Variants in GPM6A observed in about 807,000 individuals in gnomAD.
The protein encoded by GPM6A is glycoprotein M6A, also known as neuronal membrane glycoprotein M6-a.
A neutral mutation model predicts 32.1 loss-of-function variants in GPM6A; 7 were observed. That is an observed-to-expected ratio of 0.22 (90% CI 0.12 to 0.41). The LOEUF (loss-of-function observed/expected upper bound fraction) is 0.41, where lower values mean the gene tolerates loss of function less well. GPM6A is among the 10% of genes least tolerant of loss of function. The pLI, the probability that GPM6A is intolerant of heterozygous loss-of-function variation, is 1.00. For missense variants in GPM6A, 235 were observed against 347.2 expected (o/e 0.68, Z 2.57); for synonymous variants, 130 against 123.4 (o/e 1.05, Z -0.35).
chr4:175,841,498 G>A (rs926849572), intron 1 of GPM6A, among the ~76,000 whole-genome samples: 1 of 152,032 alleles, frequency 6.6e-6, no homozygotes, highest in African/African-American at 2.4e-5. Context: ...AAGGATGCTT[G>A]TCTAAAACCA....
chr4:175,956,173 C>T (rs1739979590), intron 1 of GPM6A, among the ~76,000 whole-genome samples: 1 of 152,110 alleles, frequency 6.6e-6, no homozygotes, highest in Non-Finnish European at 1.5e-5. Flanking sequence ...TTTAAAAATT[C>T]CTGTTCTAGA....
chr4:175,639,391 G>GA (rs1367416127), intron 6 of GPM6A, among the ~76,000 whole-genome samples: 4 of 152,120 alleles, frequency 2.6e-5, no homozygotes, highest in Non-Finnish European at 4.4e-5. Context: ...TTTACATATT[G>GA]ACTCGGCTGT....
At chr4:175,877,650 C>T (rs542302091) in intron 1 of GPM6A, among the ~76,000 whole-genome samples, 1 of 152,302 alleles carries the variant, frequency 6.6e-6, no homozygotes, top group East Asian at 1.9e-4. Context: ...GTTATCTCCA[C>T]CTGGTCCCAC....
chr4:175,711,457 T>TATATATACACAC (rs1303046650), intron 1 of GPM6A, among the ~76,000 whole-genome samples: 2 of 28,010 alleles, frequency 7.1e-5, no homozygotes, highest in African/African-American at 1.7e-4. Flanking sequence ...TATATATATA[T>TATATATACACAC]ACACACACAT....
rs540425822 is a variant in GPM6A, at chr4:175,968,624, A to G, written c.-23+33685T>C. 2.6e-5 allele frequency among the ~76,000 whole-genome samples: 4 copies of G among 152,310 alleles called. No individual in the cohort carries two copies. In the East Asian group the frequency reaches 7.7e-4, roughly 29 times the overall value. ...AATTAAAAAACGGACAATAAATCTG[A>G]CCTAACATCTCACCAAAGATGACAT... On this transcript the variant is annotated intron_variant, in intron 1 of 7. Transcript: ENST00000280187.
At chr4:175,838,112 G>GACACACAC (rs10548625) in intron 1 of GPM6A, among the ~76,000 whole-genome samples, 3,942 of 141,936 alleles carry the variant, frequency 0.028, 185 homozygotes, top group African/African-American at 0.096. Flanking sequence ...CACACACACA[G>GACACACAC]ACACACACAC....
intron 1 of GPM6A, among the ~76,000 whole-genome samples, chr4:175,790,915 C>A (rs1044066913): frequency 6.6e-6 from 1 of 151,964 alleles, no homozygotes; most frequent in African/African-American, 2.4e-5. Context: ...ATATAACATA[C>A]AAAATGTTTT....
At chr4:175,807,663 A>C (rs988048424) in intron 1 of GPM6A, 2 of 152,238 alleles carry the variant, frequency 1.3e-5, no homozygotes, top group African/African-American at 2.4e-5. Flanking sequence ...CTGCCCTTGA[A>C]AAAGTTTTCA....
At chr4:175,688,697 A>T (rs1744129073) in intron 2 of GPM6A, among the ~76,000 whole-genome samples, 1 of 152,250 alleles carries the variant, frequency 6.6e-6, no homozygotes, top group African/African-American at 2.4e-5. Context: ...GGCAATGGGT[A>T]TCCTAATTAC....
At chr4:175,930,856 ACT>A (rs1739016851) in intron 1 of GPM6A, among the ~76,000 whole-genome samples, 1 of 152,132 alleles carries the variant, frequency 6.6e-6, no homozygotes, top group Non-Finnish European at 1.5e-5. Flanking sequence ...TTTATAAATA[ACT>A]ATGTGGCACT....
chr4:175,684,583 C>A (rs150173022), intron 2 of GPM6A, among the ~76,000 whole-genome samples: 1 of 151,994 alleles, frequency 6.6e-6, no homozygotes, highest in African/African-American at 2.4e-5. Flanking sequence ...CTAACTTTAT[C>A]TTTTTTTCAA....
At chr4:175,744,871 A>G (rs913471474) in intron 1 of GPM6A, among the ~76,000 whole-genome samples, 25 of 152,194 alleles carry the variant, frequency 1.6e-4, no homozygotes, top group African/African-American at 6.0e-4. Context: ...TACTGGAAGT[A>G]TCAGGGAGGC....
At chr4:175,931,833 C>T (rs1415769863) in intron 1 of GPM6A, among the ~76,000 whole-genome samples, 2 of 151,346 alleles carry the variant, frequency 1.3e-5, no homozygotes, top group Non-Finnish European at 1.5e-5. Flanking sequence ...GCCTATAATC[C>T]CAGCATTTTG....
intron 1 of GPM6A, among the ~76,000 whole-genome samples, chr4:175,972,868 T>G (rs1341472569): frequency 6.6e-6 from 1 of 152,208 alleles, no homozygotes; most frequent in Non-Finnish European, 1.5e-5. Flanking sequence ...TGAGCAGTTA[T>G]ATCTATTATC....
intron 1 of GPM6A, among the ~76,000 whole-genome samples, chr4:175,825,095 T>C (rs1017782564): frequency 3.9e-5 from 6 of 152,208 alleles, no homozygotes; most frequent in African/African-American, 1.4e-4. Context: ...CTTGTATATC[T>C]CTTGTAGCCC....
At chr4:175,872,498 G>T (rs1172809800) in intron 1 of GPM6A, among the ~76,000 whole-genome samples, 1 of 152,104 alleles carries the variant, frequency 6.6e-6, no homozygotes, top group Non-Finnish European at 1.5e-5. Flanking sequence ...CATAACTAAG[G>T]CAAAGAAAGA....
chr4:175,834,188 T>A (rs1280752654), intron 1 of GPM6A, among the ~76,000 whole-genome samples: 2 of 152,132 alleles, frequency 1.3e-5, no homozygotes, highest in African/African-American at 4.8e-5. Context: ...AATGATGGCC[T>A]GGCTTTCATA....
chr4:175,722,006 G>A (rs114029281), intron 1 of GPM6A, among the ~76,000 whole-genome samples: 9,636 of 151,984 alleles, frequency 0.063, 507 homozygotes, highest in African/African-American at 0.14. Context: ...TATATTATGC[G>A]CCAGGTGCAA....
At chr4:175,918,724 A>T (rs1005878795) in intron 1 of GPM6A, among the ~76,000 whole-genome samples, 2 of 152,084 alleles carry the variant, frequency 1.3e-5, no homozygotes, top group African/African-American at 4.8e-5. Context: ...TGTCAAAAAC[A>T]TGTGTTTCCA....
Sources: gnomAD v4.1 joint callset for allele counts (sites outside exome capture counted in the v4.1 genomes callset) on GRCh38, gnomAD v4.1.1 for gene constraint, MANE v1.5 for transcripts, NCBI Gene and HGNC (gene_info 2026-07-23, HGNC 2026-07-21) for gene names.